Variants in DENND3 observed in about 807,000 individuals in gnomAD.
The protein encoded by DENND3 is DENN domain-containing protein 3.
DENND3 carries 88 observed loss-of-function variants against 135.1 expected under a neutral mutation model. That is an observed-to-expected ratio of 0.65 (90% CI 0.55 to 0.78). The LOEUF is 0.78. Among genes scored for constraint, DENND3 ranks in the 30% least tolerant of loss-of-function variants. The pLI is 0.00. For missense variants in DENND3, 1,392 were observed against 1,688.4 expected (o/e 0.82, Z 3.08); for synonymous variants, 693 against 712.3 (o/e 0.97, Z 0.43).
intron 1 of DENND3, among the ~76,000 whole-genome samples, chr8:141,129,217 C>G (rs1269776581): frequency 6.6e-6 from 1 of 152,230 alleles, no homozygotes; most frequent in Non-Finnish European, 1.5e-5. Flanking sequence ...CCGCCGGAGC[C>G]TCACGGTCTA....
intron 17 of DENND3, chr8:141,184,858 G>A: frequency 3.2e-6 from 1 of 312,874 alleles, no homozygotes; most frequent in Non-Finnish European, 6.0e-6. Flanking sequence ...TCACTCAGCT[G>A]GCAGGTCCTG....
Position 141,168,047 on chromosome 8 carries a change from C to T in DENND3, c.1797C>T (p.Pro599=), listed in dbSNP as rs769083605. 8.1e-6 allele frequency: 13 copies of T among 1,613,680 alleles called. No individual in the cohort carries two copies. Among genetic ancestry groups the T allele is most frequent in the Middle Eastern group, 1.7e-4 (1 of 6,020 alleles). ...TPKSPYTFKI[P]EIHFPLESKC... ...AGTCCCCGTATACATTCAAGATTCC[C>T]GAAATCCACTTTCCGCTGGAGAGCA... Residue 599 remains proline, a synonymous_variant, in exon 13 of 23, where the codon CCC becomes CCT. Coordinates refer to ENST00000519811, the MANE Select transcript of DENND3 (RefSeq NM_001352890.3). The surrounding 1 kb of genome is among the most constrained non-coding windows in gnomAD (Gnocchi z 6.2).
chr8:141,157,759 C>CTTTTTTTTTTTTTTTTTTTTTT (rs374868733), intron 8 of DENND3: 1 of 648,528 alleles, frequency 1.5e-6, no homozygotes, highest in African/African-American at 2.1e-5. Context: ...AAAACTACCT[C>CTTTTTTTTTTTTTTTTTTTTTT]TTTTTTTTTT....
Position 141,192,945 on chromosome 8 carries a change from G to A in DENND3, c.3636+282G>A, listed in dbSNP as rs1305870517. 1.6e-5 allele frequency: 22 copies of A among 1,345,514 alleles called. No individual in the cohort carries two copies. In the South Asian group the frequency reaches 2.6e-4, roughly 16 times the overall value. 83.3% of individuals were successfully genotyped at this position (1,345,514 alleles called of 1,614,324 possible). On this transcript the variant is annotated intron_variant, in intron 22 of 22. Transcript: ENST00000519811. The stretch of plus-strand genomic sequence containing the variant: ...TTTCTCACAGTTCTCGACGCTGGAG[G>A]TCCAAAACCAAGGTGTCGGCAGAGC...
intron 13 of DENND3, among the ~76,000 whole-genome samples, chr8:141,172,754 C>T (rs533719334): frequency 4.0e-4 from 61 of 152,264 alleles, no homozygotes; most frequent in Admixed American, 8.5e-4. Context: ...GTGCTTCTGC[C>T]TTAAACCCAG....
rs1037238405 is a variant in DENND3 at position 141,166,931 on chromosome 8, G to A, written c.1753+542G>A. Among the ~76,000 whole-genome samples, 3 of 148,022 alleles carry A rather than the reference G, an allele frequency of 2.0e-5. No individual in the cohort carries two copies. Among genetic ancestry groups the A allele is most frequent in the South Asian group, 2.1e-4 (1 of 4,824 alleles). On this transcript the variant is annotated intron_variant, in intron 12 of 22. Coordinates refer to ENST00000519811, the MANE Select transcript of DENND3 (RefSeq NM_001352890.3). This position sits in a 1 kb window ranked among gnomAD's most constrained non-coding sequence, Gnocchi z 4.3. Reference sequence around the variant, plus strand: ...GCCTCGCGCCTTCTTGGGGAGGTACGTCCTGTCCCTAGTGAATGGGAGAAA... The same window carrying A: ...GCCTCGCGCCTTCTTGGGGAGGTACATCCTGTCCCTAGTGAATGGGAGAAA...
In DENND3 at chr8:141,160,674, CCT is replaced by C; in HGVS notation, c.1241_1242del (p.Leu414ProfsTer46). The C allele has an allele frequency of 6.2e-7, 1 of 1,612,626 alleles. No individual in the cohort carries two copies. The highest frequency in any genetic ancestry group is 1.3e-5 in the African/African-American group (1 of 75,038). On this transcript the variant is annotated frameshift_variant, in exon 9 of 23. Transcript: ENST00000519811. LOFTEE classifies it high-confidence loss of function. The stretch of plus-strand genomic sequence containing the variant: ...TCCACCATGAGCTGCACGCCGCCCA[CCT>C]CCTCTCCAGCACAGACCTGAAGGAG... ...QLHHELHAAH[L>X]LSSTDLKEGR...
chr8:141,128,594 C>A lies in DENND3; in HGVS notation c.-114C>A. On this transcript the variant is annotated 5_prime_UTR_variant, in exon 1 of 23. Transcript: ENST00000519811. This position sits in a 1 kb window ranked among gnomAD's most constrained non-coding sequence, Gnocchi z 4.5. Reference sequence around the variant, plus strand: ...CCCGCCTCCAGCCCCGCCCCGCAGACGGCGCTCGCAGCGCCCCCGGCCCCC... The same window carrying A: ...CCCGCCTCCAGCCCCGCCCCGCAGAAGGCGCTCGCAGCGCCCCCGGCCCCC... 1 of 472,040 alleles carries A rather than the reference C, an allele frequency of 2.1e-6. No individual in the cohort carries two copies. The allele number at this position is 472,040 out of a possible 1,614,324, so 29.2% of individuals were successfully genotyped here.
At chr8:141,180,690 A>G (rs1822979460) in intron 16 of DENND3, 57 bp from the exon 17 acceptor site, 2 of 1,496,256 alleles carry the variant, frequency 1.3e-6, no homozygotes, top group Non-Finnish European at 1.8e-6. Context: ...AGGCCGTTGC[A>G]TCGCGTCTGT....
rs1433690201 is a variant in DENND3 at position 141,192,658 on chromosome 8, A to C, written c.3631A>C (p.Lys1211Gln). 1.9e-6 allele frequency: 3 copies of C among 1,606,398 alleles called. No individual in the cohort carries two copies. The highest frequency in any genetic ancestry group is 2.2e-5 in the East Asian group (1 of 44,730). ...SEINCMIRVKKQVWVGSRGLG... is the reference protein window; with the variant it reads ...SEINCMIRVKQQVWVGSRGLG... ...GATCAACTGCATGATCCGGGTGAAG[A>C]AGCAGGTAGGGTGGAGGGCCCGCCA... Residue 1211 changes from lysine to glutamine, a missense_variant, in exon 22 of 23, where the codon AAG (lysine) becomes CAG (glutamine). Physicochemically the swap from Lys to Gln is moderately conservative, Grantham distance 53. Transcript: ENST00000519811.
intron 11 of DENND3, 123 bp downstream of exon 11, chr8:141,165,412 T>A (rs1019230836): frequency 1.4e-6 from 1 of 706,490 alleles, no homozygotes; most frequent in Non-Finnish European, 2.4e-6. Flanking sequence ...TAGAAACTCA[T>A]GATGAACTGG....
intron 19 of DENND3, among the ~76,000 whole-genome samples, chr8:141,190,020 G>A (rs1010869756): frequency 2.6e-5 from 4 of 152,188 alleles, no homozygotes; most frequent in South Asian, 2.1e-4. Context: ...TGGGCGTCCC[G>A]AGAAACCCGC....
intron 5 of DENND3, among the ~76,000 whole-genome samples, chr8:141,147,177 G>T (rs1176863032): frequency 6.6e-6 from 1 of 152,178 alleles, no homozygotes; most frequent in Non-Finnish European, 1.5e-5. Context: ...TTTCCAGTTT[G>T]CCCATTTCCT....
chr8:141,181,529 C>T (rs530642346), intron 17 of DENND3, among the ~76,000 whole-genome samples: 25 of 152,318 alleles, frequency 1.6e-4, no homozygotes, highest in South Asian at 4.1e-4. Context: ...GCACCTGCCT[C>T]CTGTGCTTGG....
chr8:141,185,106 C>G, intron 17 of DENND3, 33 bp from the exon 18 acceptor site: 1 of 1,597,178 alleles, frequency 6.3e-7, no homozygotes, highest in Non-Finnish European at 8.6e-7. Context: ...GAAGTGTTTC[C>G]TCCTAACAGT....
Position 141,174,937 on chromosome 8 carries a change from G to A in DENND3, c.2276-263G>A, listed in dbSNP as rs1427259631. Reference sequence around the variant, plus strand: ...GCTGTGACTACCTGAAGCAGGTCCCGTGGCCATCCCAGAGCGGGCGGCTGG... The same window carrying A: ...GCTGTGACTACCTGAAGCAGGTCCCATGGCCATCCCAGAGCGGGCGGCTGG... On this transcript the variant is annotated intron_variant, in intron 13 of 22. Coordinates refer to ENST00000519811, the MANE Select transcript of DENND3 (RefSeq NM_001352890.3). The surrounding 1 kb of genome is among the most constrained non-coding windows in gnomAD (Gnocchi z 4.6). Among the ~76,000 whole-genome samples the A allele has an allele frequency of 1.3e-5, 2 of 152,180 alleles. No homozygotes were observed. Among genetic ancestry groups the A allele is most frequent in the Non-Finnish European group, 2.9e-5 (2 of 68,026 alleles).
chr8:141,161,798 C>CTTTT (rs766568248), intron 9 of DENND3, among the ~76,000 whole-genome samples: 3 of 129,348 alleles, frequency 2.3e-5, no homozygotes, highest in African/African-American at 5.8e-5. Context: ...TTTGAGTGGC[C>CTTTT]TTTTTTTTTT....
At chr8:141,179,163 C>G (rs760325411) in intron 16 of DENND3, among the ~76,000 whole-genome samples, 1 of 152,244 alleles carries the variant, frequency 6.6e-6, no homozygotes, top group East Asian at 1.9e-4. Context: ...GGTACAGAAT[C>G]CCTCTCCCAC....
intron 5 of DENND3, among the ~76,000 whole-genome samples, chr8:141,147,156 T>A (rs982229777): frequency 6.6e-6 from 1 of 152,186 alleles, no homozygotes; most frequent in Admixed American, 6.5e-5. Context: ...CCGGACTACC[T>A]TCAGTGTTCC....
Sources: allele counts gnomAD v4.1 joint callset (sites outside exome capture counted in the v4.1 genomes callset), GRCh38; gene constraint gnomAD v4.1.1; non-coding constraint Gnocchi (gnomAD v3.1); transcripts MANE v1.5; gene names NCBI Gene and HGNC (gene_info 2026-07-23, HGNC 2026-07-21).